LPP: variants seen among roughly 807,000 people sequenced by gnomAD.
The protein encoded by LPP is lipoma-preferred partner.
Under a neutral mutation model 60.4 loss-of-function variants are expected in LPP, and 38 were observed. The ratio of observed to expected loss-of-function variants is 0.63; its 90% confidence interval spans 0.49 to 0.83. The LOEUF (loss-of-function observed/expected upper bound fraction) is 0.83, where lower values mean the gene tolerates loss of function less well. Ranked by LOEUF, LPP falls within the 40% of genes least tolerant of loss-of-function variation. The pLI, the probability that LPP is intolerant of heterozygous loss-of-function variation, is 0.00. For synonymous variants in LPP, 328 were observed against 290.8 expected (o/e 1.13, Z -1.30); for missense variants, 902 against 783.6 (o/e 1.15, Z -1.80).
At chr3:188,617,656 A>G (rs1229933292) in intron 7 of LPP, among the ~76,000 whole-genome samples, 2 of 152,142 alleles carry the variant, frequency 1.3e-5, no homozygotes, top group Non-Finnish European at 2.9e-5. Context: ...ATACTAAGAA[A>G]TGTCTGTGAA....
chr3:188,494,127 T>C (rs889263522), intron 5 of LPP, among the ~76,000 whole-genome samples: 2 of 152,162 alleles, frequency 1.3e-5, no homozygotes, highest in East Asian at 3.9e-4. Context: ...TCTTCAACCA[T>C]ATATGTAATT....
chr3:188,514,440 TA>T (rs1342418277), intron 5 of LPP, among the ~76,000 whole-genome samples: 2 of 132,304 alleles, frequency 1.5e-5, no homozygotes, highest in Non-Finnish European at 3.3e-5. Context: ...TTTTTTATTT[TA>T]TTTTTTTTTT....
At chr3:188,302,512 A>G (rs988624355) in intron 2 of LPP, among the ~76,000 whole-genome samples, 8 of 152,232 alleles carry the variant, frequency 5.3e-5, no homozygotes, top group African/African-American at 1.9e-4. Context: ...GGATGTGGAT[A>G]TAAGATTGCA....
rs1335558126 is a variant in LPP, at chr3:188,517,353, A to G, written c.307-7312A>G. 5.3e-5 allele frequency among the ~76,000 whole-genome samples: 8 copies of G among 152,358 alleles called. No individual in the cohort carries two copies. In the East Asian group the frequency reaches 1.5e-3, roughly 29 times the overall value. ...GTTTCCCCAATTTCATCAAAGACAG[A>G]TGATGGAAAAAAGATTGATCTAACT... On this transcript the variant is annotated intron_variant, in intron 5 of 11. Coordinates refer to ENST00000617246, the MANE Select transcript of LPP (RefSeq NM_001375462.1).
intron 6 of LPP, among the ~76,000 whole-genome samples, chr3:188,608,185 C>T (rs1355674099): frequency 6.6e-6 from 1 of 152,178 alleles, no homozygotes; most frequent in Non-Finnish European, 1.5e-5. Flanking sequence ...TCTCTTGGAG[C>T]AGGCCCTCCA....
intron 1 of LPP, among the ~76,000 whole-genome samples, chr3:188,194,257 C>T (rs1577216539): frequency 6.6e-6 from 1 of 152,166 alleles, no homozygotes; most frequent in African/African-American, 2.4e-5. Flanking sequence ...GTAATTGTGC[C>T]GATAAGAAGT....
At chr3:188,292,090 G>A (rs1052841823) in intron 2 of LPP, among the ~76,000 whole-genome samples, 7 of 152,120 alleles carry the variant, frequency 4.6e-5, no homozygotes, top group Non-Finnish European at 1.0e-4. Context: ...TAGGACCTTC[G>A]GTTAAACCAG....
intron 9 of LPP, among the ~76,000 whole-genome samples, chr3:188,855,619 C>G (rs1034336636): frequency 6.6e-6 from 1 of 152,152 alleles, no homozygotes; most frequent in East Asian, 1.9e-4. Context: ...CATTTACTTA[C>G]TAAAATATTT....
chr3:188,411,976 TC>T (rs1249214724), intron 4 of LPP, among the ~76,000 whole-genome samples: 19 of 39,984 alleles, frequency 4.8e-4, no homozygotes, highest in African/African-American at 1.2e-3. Flanking sequence ...TTTCTCTGTC[TC>T]TCTCTCTCTC....
chr3:188,215,264 C>T (rs1412952732), intron 1 of LPP, among the ~76,000 whole-genome samples: 1 of 151,960 alleles, frequency 6.6e-6, no homozygotes, highest in Non-Finnish European at 1.5e-5. Context: ...CAAGATTGCC[C>T]CACTGCACTT....
At chr3:188,261,107 T>A (rs1417806913) in intron 2 of LPP, among the ~76,000 whole-genome samples, 2 of 152,096 alleles carry the variant, frequency 1.3e-5, no homozygotes, top group African/African-American at 4.8e-5. Flanking sequence ...TAAAGACAAT[T>A]TGAACAAGGC....
Position 188,872,862 on chromosome 3 carries a change from G to T in LPP, c.1710+99G>T, listed in dbSNP as rs2278096. On this transcript the variant is annotated intron_variant, in intron 11 of 11. Transcript: ENST00000617246. The stretch of plus-strand genomic sequence containing the variant: ...TGTAGCAATTACTAAATCTCAGAAC[G>T]GCCTTAGTGCCTGTACTCATAGGAC... 0.18 allele frequency: 264,429 copies of T among 1,500,230 alleles called. 31,233 individuals are homozygous for T. The highest frequency in any genetic ancestry group is 0.52 in the East Asian group (21,999 of 41,964). 92.9% of individuals were successfully genotyped at this position (1,500,230 alleles called of 1,614,324 possible). A position where few individuals can be genotyped will look rare whatever the true frequency, so the allele number is the denominator to read the frequency against.
chr3:188,521,625 G>C (rs1818899952), intron 5 of LPP, among the ~76,000 whole-genome samples: 1 of 152,012 alleles, frequency 6.6e-6, no homozygotes, highest in Non-Finnish European at 1.5e-5. Context: ...ATAGTTACTG[G>C]TTGCTATAAT....
chr3:188,279,394 C>T (rs1741139174), intron 2 of LPP, among the ~76,000 whole-genome samples: 1 of 152,172 alleles, frequency 6.6e-6, no homozygotes, highest in Non-Finnish European at 1.5e-5. Flanking sequence ...ACTTTGGACT[C>T]CTTCTCTGGA....
chr3:188,781,488 G>A (rs1463553188), intron 9 of LPP, among the ~76,000 whole-genome samples: 1 of 152,114 alleles, frequency 6.6e-6, no homozygotes, highest in Non-Finnish European at 1.5e-5. Context: ...ACACGGCTGG[G>A]GAGGCGTCAG....
chr3:188,488,921 T>G (rs373552429), intron 5 of LPP, among the ~76,000 whole-genome samples: 2 of 152,038 alleles, frequency 1.3e-5, no homozygotes, highest in Non-Finnish European at 2.9e-5. Flanking sequence ...ACAGGCATGA[T>G]CCACCGCGCC....
chr3:188,735,902 G>A (rs925131664), intron 8 of LPP, among the ~76,000 whole-genome samples: 1 of 152,202 alleles, frequency 6.6e-6, no homozygotes, highest in Non-Finnish European at 1.5e-5. Flanking sequence ...ATTTATGAAA[G>A]ACCTGTGTGG....
chr3:188,479,073 G>T (rs1264132809), intron 4 of LPP, among the ~76,000 whole-genome samples: 1 of 152,046 alleles, frequency 6.6e-6, no homozygotes, highest in Non-Finnish European at 1.5e-5. Flanking sequence ...TAATGGAAAT[G>T]AATAACCGTC....
At chr3:188,810,251 G>A (rs887206461) in intron 9 of LPP, among the ~76,000 whole-genome samples, 1 of 151,930 alleles carries the variant, frequency 6.6e-6, no homozygotes, top group Non-Finnish European at 1.5e-5. Flanking sequence ...AGGCAGTAAG[G>A]CATCTGCCTT....
Sources: gnomAD v4.1 joint callset for allele counts (sites outside exome capture counted in the v4.1 genomes callset) on GRCh38, gnomAD v4.1.1 for gene constraint, MANE v1.5 for transcripts, NCBI Gene and HGNC (gene_info 2026-07-23, HGNC 2026-07-21) for gene names.